Variants in RPS29 observed in about 807,000 individuals in gnomAD.
RPS29 encodes ribosomal protein S29.
For synonymous variants in RPS29, 37 were observed against 26.9 expected, an observed-to-expected ratio of 1.37 and a Z score of -1.16; for missense variants, 60 against 75.7, an observed-to-expected ratio of 0.79 and a Z score of 0.77.
At chr14:49,573,096 G>GAAAT (rs1189763050) in exon 3 of RPS29, 1 of 146,866 alleles carries the variant, frequency 6.8e-6, no homozygotes. Context: ...AAGAAAGAAA[G>GAAAT]AAAGAAGGAA....
At chr14:49,586,684 G>T, upstream of RPS29, 1 of 295,186 alleles carries the variant, frequency 3.4e-6, no homozygotes, top group South Asian at 3.8e-5. Context: ...TATGCCGATC[G>T]GGTGTCCGCA....
chr14:49,598,367 T>G (rs1422149343), intron 1 of RPS29: 1 of 657,758 alleles, frequency 1.5e-6, no homozygotes, highest in South Asian at 1.7e-5. Context: ...ACGTCTCAGG[T>G]GCAGTTAAGC....
intron 1 of RPS29, chr14:49,598,359 G>T: frequency 1.5e-6 from 1 of 649,530 alleles, no homozygotes; most frequent in Non-Finnish European, 2.8e-6. Context: ...GTCTTTCCAC[G>T]TCTCAGGTGC....
chr14:49,586,725 G>A (rs1052320606), upstream of RPS29: 2 of 246,628 alleles, frequency 8.1e-6, no homozygotes, highest in Non-Finnish European at 1.7e-5. Context: ...GTGACCTCCC[G>A]GGAGCGGGGG....
chr14:49,598,449 C>T (rs997550128), exon 1 of RPS29: 1 of 702,116 alleles, frequency 1.4e-6, no homozygotes, highest in Non-Finnish European at 2.6e-6. Context: ...TCAAATACAG[C>T]CATATAAAGC....
At chr14:49,586,572 A>G (rs913879554), upstream of RPS29, 10 of 557,902 alleles carry the variant, frequency 1.8e-5, no homozygotes, top group Admixed American at 6.1e-5. Context: ...CTGCGCCGGT[A>G]TCCGACCGCC....
At chr14:49,585,744 TC>T (rs1881522640) in intron 2 of RPS29, 48 of 570,162 alleles carry the variant, frequency 8.4e-5, no homozygotes, top group Non-Finnish European at 1.2e-4. Flanking sequence ...AAAGACTAAG[TC>T]CTTCACCTTC....
exon 3 of RPS29, chr14:49,575,469 A>G (rs1197139328): frequency 6.6e-6 from 1 of 152,212 alleles, no homozygotes; most frequent in Admixed American, 6.5e-5. Flanking sequence ...ATGGGAATCC[A>G]CCATTTATTT....
At chr14:49,585,592 A>AT (rs1881512338) in intron 2 of RPS29, 1 of 378,094 alleles carries the variant, frequency 2.6e-6, no homozygotes, top group Non-Finnish European at 4.7e-6. Flanking sequence ...CTAAAAAAAA[A>AT]AAAAAGAGAA....
chr14:49,589,124 A>T (rs1881658940), upstream of RPS29, among the ~76,000 whole-genome samples: 1 of 151,290 alleles, frequency 6.6e-6, no homozygotes, highest in Non-Finnish European at 1.5e-5. Context: ...CGATCTCCTG[A>T]CCTCATGATC....
chr14:49,577,196 G>GC (rs1881206257), exon 3 of RPS29: 1 of 153,310 alleles, frequency 6.5e-6, no homozygotes, highest in African/African-American at 2.4e-5. Context: ...AGCTGAGCTT[G>GC]CATCACTGCA....
chr14:49,584,867 G>T (rs775076612), intron 2 of RPS29, among the ~76,000 whole-genome samples: 1 of 151,246 alleles, frequency 6.6e-6, no homozygotes, highest in Non-Finnish European at 1.5e-5. Context: ...TAATAAATTC[G>T]TTTTCACCTT....
chr14:49,581,180 A>T (rs1383503399), downstream of RPS29, among the ~76,000 whole-genome samples: 2 of 152,016 alleles, frequency 1.3e-5, no homozygotes, highest in Non-Finnish European at 2.9e-5. Context: ...ACATGAGCAA[A>T]ACTCTATCTC....
upstream of RPS29, among the ~76,000 whole-genome samples, chr14:49,591,143 AG>A (rs1881701331): frequency 6.6e-6 from 1 of 152,224 alleles, no homozygotes; most frequent in East Asian, 1.9e-4. Flanking sequence ...ACTTCAGGAA[AG>A]GGGACTCAGA....
At chr14:49,598,571 C>G (rs1881893648) in exon 1 of RPS29, 1 of 702,106 alleles carries the variant, frequency 1.4e-6, no homozygotes, top group Non-Finnish European at 2.6e-6. Context: ...TCAGACAGTT[C>G]TAAGTGCCTT....
chr14:49,586,490 A>C, upstream of RPS29: 1 of 727,494 alleles, frequency 1.4e-6, no homozygotes, highest in Non-Finnish European at 2.4e-6. Flanking sequence ...TGGGTGAGTA[A>C]AATGAAATCT....
chr14:49,593,607 C>T lies in RPS29; in HGVS notation c.-133+4793G>A, dbSNP rs192755339. Among the ~76,000 whole-genome samples, 60 of 136,652 alleles carry T rather than the reference C, an allele frequency of 4.4e-4. 1 individual carries two copies. Among genetic ancestry groups the T allele is most frequent in the Admixed American group, 3.6e-3 (43 of 11,798 alleles). 89.6% of individuals were successfully genotyped at this position (136,652 alleles called of 152,430 possible). ...ACTCAGGAGGCTGAGGCAGGAGAAT[C>T]GCTTGAACCTGGGAAGTGGAAGTTG... On this transcript the variant is annotated intron_variant, in intron 1 of 3. Transcript: ENST00000556230.
chr14:49,585,721 A>G (rs1881520384), intron 2 of RPS29: 1 of 521,232 alleles, frequency 1.9e-6, no homozygotes, highest in East Asian at 2.9e-5. Context: ...ATCTAGGTAA[A>G]AAAGGGAGTA....
chr14:49,588,809 G>A (rs759738694), upstream of RPS29, among the ~76,000 whole-genome samples: 20 of 150,128 alleles, frequency 1.3e-4, no homozygotes, highest in Non-Finnish European at 3.0e-4. Context: ...GATTACAGGA[G>A]TGAGCCACCA....
Sources: allele counts gnomAD v4.1 joint callset (sites outside exome capture counted in the v4.1 genomes callset), GRCh38; gene constraint gnomAD v4.1.1; transcripts MANE v1.5; gene names NCBI Gene and HGNC (gene_info 2026-07-23, HGNC 2026-07-21).